Variants in DNER observed in about 807,000 individuals in gnomAD.
DNER encodes the protein delta/notch like EGF repeat containing, also known as delta and Notch-like epidermal growth factor-related receptor.
DNER carries 33 observed loss-of-function variants against 78.2 expected under a neutral mutation model. The observed-to-expected ratio is 0.42, with a 90% confidence interval of 0.32 to 0.56. DNER has a LOEUF of 0.56. Among genes scored for constraint, DNER ranks in the 20% least tolerant of loss-of-function variants. DNER has a pLI of 0.11. For missense variants in DNER, 918 were observed against 975.3 expected (o/e 0.94, Z 0.78); for synonymous variants, 417 against 384.8 (o/e 1.08, Z -0.98).
intron 4 of DNER, among the ~76,000 whole-genome samples, chr2:229,554,296 A>T (rs1397002489): frequency 6.6e-6 from 1 of 152,126 alleles, no homozygotes; most frequent in Non-Finnish European, 1.5e-5. Flanking sequence ...GGTGGCTCAC[A>T]CCTGTAGTCC....
At chr2:229,429,876 G>A (rs1429510108) in intron 8 of DNER, among the ~76,000 whole-genome samples, 1 of 152,164 alleles carries the variant, frequency 6.6e-6, no homozygotes, top group Non-Finnish European at 1.5e-5. Context: ...CCTCGGGGCT[G>A]GATCTGGTTT....
chr2:229,508,902 AAAAGAAAAGAAAAGAAAAG>A (rs1695803994), intron 6 of DNER, among the ~76,000 whole-genome samples: 1 of 77,794 alleles, frequency 1.3e-5, no homozygotes, highest in Non-Finnish European at 2.8e-5. Flanking sequence ...AAAAGAAAAG[AAAAGAAAAGAAAAGAAAAG>A]AAAAAGCAAA....
At chr2:229,522,883 C>T (rs12614243) in intron 5 of DNER, among the ~76,000 whole-genome samples, 39,021 of 152,076 alleles carry the variant, frequency 0.26, 5,300 homozygotes, top group East Asian at 0.34. Flanking sequence ...CTCCCAACAG[C>T]CTTCCAAAAT....
chr2:229,382,036 G>T (rs9712102), intron 11 of DNER, among the ~76,000 whole-genome samples: 60,563 of 152,082 alleles, frequency 0.4, 13,064 homozygotes, highest in Middle Eastern at 0.5. Flanking sequence ...CATCTGGCAG[G>T]TGACCCTCTG....
chr2:229,563,824 CCAT>C (rs1356056421), intron 4 of DNER, among the ~76,000 whole-genome samples: 4 of 137,030 alleles, frequency 2.9e-5, no homozygotes, highest in African/African-American at 5.5e-5. Flanking sequence ...CACCCCATCA[CCAT>C]CATCATCATC....
At chr2:229,672,502 G>C (rs892930484) in intron 1 of DNER, among the ~76,000 whole-genome samples, 7 of 151,554 alleles carry the variant, frequency 4.6e-5, no homozygotes, top group Admixed American at 1.3e-4. Context: ...ATGGAGGCAG[G>C]AAAGGGGAGA....
chr2:229,636,142 G>A (rs1698528012), intron 1 of DNER, among the ~76,000 whole-genome samples: 1 of 152,164 alleles, frequency 6.6e-6, no homozygotes, highest in African/African-American at 2.4e-5. Context: ...GGTGCAAACC[G>A]TTTGTACCAG....
chr2:229,628,975 T>C (rs62191164), intron 1 of DNER, among the ~76,000 whole-genome samples: 6,915 of 152,264 alleles, frequency 0.045, 219 homozygotes, highest in Non-Finnish European at 0.062. Flanking sequence ...CCCCTCACCC[T>C]GCTCCTTCCT....
chr2:229,713,218 C>A (rs535952431), intron 1 of DNER, among the ~76,000 whole-genome samples: 1 of 152,336 alleles, frequency 6.6e-6, no homozygotes, highest in African/African-American at 2.4e-5. Flanking sequence ...GATTTTCTAC[C>A]CGTACACACA....
intron 1 of DNER, among the ~76,000 whole-genome samples, chr2:229,689,980 C>A (rs928851904): frequency 2.0e-5 from 3 of 152,178 alleles, no homozygotes; most frequent in African/African-American, 4.8e-5. Context: ...CATGCATCAA[C>A]CTTTGGCAAG....
At chr2:229,460,734 A>G (rs996587930) in intron 7 of DNER, among the ~76,000 whole-genome samples, 2 of 152,136 alleles carry the variant, frequency 1.3e-5, no homozygotes, top group African/African-American at 4.8e-5. Context: ...CTTAGCTACA[A>G]TGCATGTTAC....
chr2:229,519,135 C>T (rs1696042289), intron 5 of DNER, among the ~76,000 whole-genome samples: 1 of 151,978 alleles, frequency 6.6e-6, no homozygotes, highest in African/African-American at 2.4e-5. Flanking sequence ...TATTTCAATA[C>T]TTTATGTAAT....
At chr2:229,585,373 T>C in intron 4 of DNER, among the ~76,000 whole-genome samples, 1 of 152,068 alleles carries the variant, frequency 6.6e-6, no homozygotes, top group East Asian at 1.9e-4. Context: ...AGAAATATTA[T>C]GTTAGGGCCA....
At chr2:229,397,912 T>A (rs1185172966) in intron 10 of DNER, among the ~76,000 whole-genome samples, 1 of 152,050 alleles carries the variant, frequency 6.6e-6, no homozygotes, top group African/African-American at 2.4e-5. Context: ...ATGCATGCAT[T>A]AGCTGTGAGA....
intron 6 of DNER, among the ~76,000 whole-genome samples, chr2:229,510,194 A>C (rs1695836588): frequency 6.6e-6 from 1 of 152,358 alleles, no homozygotes; most frequent in African/African-American, 2.4e-5. Flanking sequence ...GGGCTGGAAA[A>C]GCAGGCAAAA....
At chr2:229,565,186 C>T (rs1697081150) in intron 4 of DNER, among the ~76,000 whole-genome samples, 1 of 152,136 alleles carries the variant, frequency 6.6e-6, no homozygotes, top group Non-Finnish European at 1.5e-5. Flanking sequence ...GGAAGAGGCT[C>T]TGGAAAAGTT....
intron 1 of DNER, among the ~76,000 whole-genome samples, chr2:229,634,303 A>G (rs999182379): frequency 4.6e-5 from 7 of 151,718 alleles, no homozygotes; most frequent in African/African-American, 1.7e-4. Context: ...CCTTTCTCCA[A>G]GCTTTCTCTG....
intron 6 of DNER, among the ~76,000 whole-genome samples, chr2:229,480,598 A>G (rs977404245): frequency 6.6e-6 from 1 of 152,224 alleles, no homozygotes; most frequent in Admixed American, 6.5e-5. Flanking sequence ...CAAGTTCGGT[A>G]AGATTTCAAT....
At chr2:229,539,842 G>A (rs538294099) in intron 5 of DNER, among the ~76,000 whole-genome samples, 1 of 152,204 alleles carries the variant, frequency 6.6e-6, no homozygotes, top group Admixed American at 6.5e-5. Context: ...AAATGTACTT[G>A]CAAACCTCTC....
Sources: allele counts gnomAD v4.1 joint callset (sites outside exome capture counted in the v4.1 genomes callset), GRCh38; gene constraint gnomAD v4.1.1; transcripts MANE v1.5; gene names NCBI Gene and HGNC (gene_info 2026-07-23, HGNC 2026-07-21).